The following MICALL2 variants were observed in gnomAD, a reference collection of about 807,000 sequenced individuals.
The protein encoded by MICALL2 is MICAL-like protein 2.
A neutral mutation model predicts 91.1 loss-of-function variants in MICALL2; 111 were observed. The observed-to-expected ratio is 1.22, with a 90% CI of 1.04 to 1.43. The LOEUF is 1.43. Among genes scored for constraint, MICALL2 ranks in the 40% most tolerant of loss-of-function variants. The pLI, the probability that MICALL2 is intolerant of heterozygous loss-of-function variation, is 0.00. For missense variants in MICALL2, 1,556 were observed against 1,236.0 expected, an observed-to-expected ratio of 1.26 and a Z score of -3.88; for synonymous variants, 694 against 525.3, an observed-to-expected ratio of 1.32 and a Z score of -4.39.
At chr7:1,434,715 C>A (rs1301427834) in intron 16 of MICALL2, 43 bp from the exon 17 acceptor site, 2 of 1,509,144 alleles carry the variant, frequency 1.3e-6, no homozygotes, top group African/African-American at 2.8e-5. Context: ...AACGCCGCAG[C>A]CGCACAGCCG....
At chr7:1,440,106 C>A in intron 8 of MICALL2, 21 bp from the exon 9 acceptor site, 1 of 1,575,292 alleles carries the variant, frequency 6.3e-7, no homozygotes, top group South Asian at 1.2e-5. Flanking sequence ...GGCATGAGGT[C>A]GGAACCCGAA....
At chr7:1,443,159 C>T (rs1780390607) in intron 6 of MICALL2, among the ~76,000 whole-genome samples, 1 of 150,540 alleles carries the variant, frequency 6.6e-6, no homozygotes, top group Admixed American at 6.6e-5. Context: ...CCAGCTTCCC[C>T]AGAGGAGCTG....
chr7:1,449,283 T>C (rs77454498), intron 2 of MICALL2, among the ~76,000 whole-genome samples: 6,984 of 152,286 alleles, frequency 0.046, 509 homozygotes, highest in African/African-American at 0.16. Context: ...GCCGGCACAC[T>C]TGAGGAACTG....
At chr7:1,439,453 TCG>T (rs1562450233) in intron 9 of MICALL2, 8 of 180,508 alleles carry the variant, frequency 4.4e-5, no homozygotes, top group Non-Finnish European at 4.2e-5. Context: ...CACACATGCA[TCG>T]CACATGAACA....
chr7:1,444,077 C>A (rs1338133741), intron 6 of MICALL2, among the ~76,000 whole-genome samples: 11 of 93,252 alleles, frequency 1.2e-4, no homozygotes, highest in Non-Finnish European at 2.5e-4. Context: ...GCGACCTGTC[C>A]CCGCGTCCAC....
At position 1,450,290 on chromosome 7, in the gene MICALL2, T is replaced by C. The variant is rs770277241; in HGVS notation, c.144-2A>G. On this transcript the variant is annotated splice_acceptor_variant, in intron 1 of 16. Transcript: ENST00000297508. LOFTEE classifies it high-confidence loss of function. ...TCCTTCTTGAGAGCACTGAAGTTTC[T>C]GGAAGATAAAAACATGATGTCCAAA... The C allele has an allele frequency of 1.9e-6, 3 of 1,612,616 alleles. No individual in the cohort carries two copies. The Admixed American group carries it at 5.0e-5, about 27-fold the overall frequency.
chr7:1,437,427 G>A (rs1021368628), intron 14 of MICALL2, 108 bp downstream of exon 14: 3 of 976,844 alleles, frequency 3.1e-6, no homozygotes, highest in African/African-American at 1.8e-5. Flanking sequence ...TCCAGGGAAG[G>A]TCTCACCACC....
chr7:1,439,620 T>G, intron 9 of MICALL2: 1 of 319,314 alleles, frequency 3.1e-6, no homozygotes, highest in East Asian at 5.2e-5. Context: ...ATCACATACA[T>G]GAACAGACAC....
At chr7:1,448,516 G>A (rs531501351) in intron 3 of MICALL2, 104 bp downstream of exon 3, 10 of 1,067,882 alleles carry the variant, frequency 9.4e-6, no homozygotes, top group South Asian at 2.7e-5. Flanking sequence ...CCATTCTTGG[G>A]GGGGGGGCTG....
At chr7:1,454,517 C>T (rs971305934) in intron 1 of MICALL2, among the ~76,000 whole-genome samples, 2 of 152,310 alleles carry the variant, frequency 1.3e-5, no homozygotes, top group South Asian at 2.1e-4. Flanking sequence ...ACCTTGCACA[C>T]TGGGCCTCTG....
chr7:1,445,641 C>T lies in MICALL2; in HGVS notation c.642-213G>A, dbSNP rs142591560. On this transcript the variant is annotated intron_variant, in intron 5 of 16. Coordinates refer to ENST00000297508, the MANE Select transcript of MICALL2 (RefSeq NM_182924.4). Reference sequence around the variant, plus strand: ...CGAGGTCGCTGATTCATTCAACAAACGCCTCTTCTCAGGGTCCTTAACCAC... The same window carrying T: ...CGAGGTCGCTGATTCATTCAACAAATGCCTCTTCTCAGGGTCCTTAACCAC... Among the ~76,000 whole-genome samples, 375 of 152,218 alleles carry T rather than the reference C, an allele frequency of 2.5e-3. 4 individuals are homozygous for T. The highest frequency in any genetic ancestry group is 0.01 in the Middle Eastern group (3 of 294).
At chr7:1,457,708 G>A (rs1293259954) in intron 1 of MICALL2, among the ~76,000 whole-genome samples, 1 of 152,234 alleles carries the variant, frequency 6.6e-6, no homozygotes, top group Non-Finnish European at 1.5e-5. Flanking sequence ...GGACCAGAGG[G>A]CCCCAAATCT....
chr7:1,439,760 A>G (rs113280236), intron 9 of MICALL2, 165 bp downstream of exon 9: 3 of 500,118 alleles, frequency 6.0e-6, no homozygotes, highest in Non-Finnish European at 1.0e-5. Flanking sequence ...ACACATGCAC[A>G]CATGTACACA....
At chr7:1,439,652 A>G (rs1003207452) in intron 9 of MICALL2, 3 of 379,744 alleles carry the variant, frequency 7.9e-6, no homozygotes, top group Non-Finnish European at 1.4e-5. Flanking sequence ...TCACGTGCAC[A>G]TGCATCACAC....
chr7:1,444,020 C>T (rs1306520994), intron 6 of MICALL2, among the ~76,000 whole-genome samples: 2 of 151,592 alleles, frequency 1.3e-5, no homozygotes, highest in African/African-American at 2.4e-5. Context: ...GTCCCGCTCG[C>T]GACCTGTCCC....
Position 1,452,996 on chromosome 7 carries a change from C to G in MICALL2, c.144-2708G>C, listed in dbSNP as rs1166894557. Among the ~76,000 whole-genome samples, 2 of 151,942 alleles carry G rather than the reference C, an allele frequency of 1.3e-5. No homozygotes were observed. Among genetic ancestry groups the G allele is most frequent in the Non-Finnish European group, 2.9e-5 (2 of 67,984 alleles). The stretch of plus-strand genomic sequence containing the variant: ...GCCCGATGCACCCGCCAGGCCCTCC[C>G]CAGATGCACCTTGCTGTCCCCGAGC... On this transcript the variant is annotated intron_variant, in intron 1 of 16. Transcript: ENST00000297508. The surrounding 1 kb of genome is among the most constrained non-coding windows in gnomAD (Gnocchi z 6.2).
At position 1,451,997 on chromosome 7, in the gene MICALL2, G is replaced by C. The variant is rs1780851771; in HGVS notation, c.144-1709C>G. 6.6e-6 allele frequency among the ~76,000 whole-genome samples: 1 copy of C among 152,200 alleles called. No individual in the cohort carries two copies. The highest frequency in any genetic ancestry group is 1.9e-4 in the East Asian group (1 of 5,198). ...CGGTGGGGTGGGGGCAGTGGGATGG[G>C]GGCTGCAGGCTGCCCACCTCTCTCC... On this transcript the variant is annotated intron_variant, in intron 1 of 16. Coordinates refer to ENST00000297508, the MANE Select transcript of MICALL2 (RefSeq NM_182924.4). This position sits in a 1 kb window ranked among gnomAD's most constrained non-coding sequence, Gnocchi z 4.5.
In MICALL2 at chr7:1,434,369, T is replaced by C. The variant is rs1008334169; in HGVS notation, c.*227A>G. The C allele has an allele frequency of 4.5e-6, 3 of 659,652 alleles. No homozygotes were observed. Among genetic ancestry groups the C allele is most frequent in the African/African-American group, 1.8e-5 (1 of 56,064 alleles). The allele number at this position is 659,652 out of a possible 1,614,324, so 40.9% of individuals were successfully genotyped here. A position where few individuals can be genotyped will look rare whatever the true frequency, so the allele number is the denominator to read the frequency against. On this transcript the variant is annotated 3_prime_UTR_variant, in exon 17 of 17. Transcript: ENST00000297508. Reference sequence around the variant, plus strand: ...GGAGGCACGTAGGAGTCCGGGGCCATGTGGTCGGTTTCTTTATTGAGACCA... The same window carrying C: ...GGAGGCACGTAGGAGTCCGGGGCCACGTGGTCGGTTTCTTTATTGAGACCA...
At chr7:1,437,214 ATGGCTCGCCC>A in intron 14 of MICALL2, 1 of 495,316 alleles carries the variant, frequency 2.0e-6, no homozygotes, top group Non-Finnish European at 3.5e-6. Flanking sequence ...ACAAATGCCT[ATGGCTCGCCC>A]TGACTGCTGC....
Sources: allele counts gnomAD v4.1 joint callset (sites outside exome capture counted in the v4.1 genomes callset), GRCh38; gene constraint gnomAD v4.1.1; non-coding constraint Gnocchi (gnomAD v3.1); transcripts MANE v1.5; gene names NCBI Gene and HGNC (gene_info 2026-07-23, HGNC 2026-07-21).